Variants in CCNJ observed in about 807,000 individuals in gnomAD.
CCNJ encodes cyclin-J.
CCNJ carries 12 observed loss-of-function variants against 41.4 expected under a neutral mutation model. The ratio of observed to expected loss-of-function variants is 0.29; its 90% CI spans 0.19 to 0.47. The LOEUF (loss-of-function observed/expected upper bound fraction) is 0.47, where lower values mean the gene tolerates loss of function less well. Ranked by LOEUF, CCNJ falls within the 20% of genes least tolerant of loss-of-function variation. The pLI is 1.00. For synonymous variants in CCNJ, 161 were observed against 173.4 expected (o/e 0.93, Z 0.56); for missense variants, 340 against 464.6 (o/e 0.73, Z 2.47).
intron 2 of CCNJ, among the ~76,000 whole-genome samples, chr10:96,046,792 C>G (rs2080376550): frequency 6.6e-6 from 1 of 152,200 alleles, no homozygotes; most frequent in African/African-American, 2.4e-5. Flanking sequence ...TACAAAGCAG[C>G]TGTCACCTTA....
chr10:96,052,308 G>A (rs2080551276), intron 3 of CCNJ, among the ~76,000 whole-genome samples: 1 of 152,142 alleles, frequency 6.6e-6, no homozygotes, highest in African/African-American at 2.4e-5. Context: ...CAAATAAAAT[G>A]GATTTTTGTT....
chr10:96,053,926 T>C (rs1237090836), intron 3 of CCNJ, among the ~76,000 whole-genome samples: 2 of 152,186 alleles, frequency 1.3e-5, no homozygotes, highest in African/African-American at 4.8e-5. Flanking sequence ...TCTTAGTGTA[T>C]GTTAGGGATG....
chr10:96,053,664 C>G (rs1487960199), intron 3 of CCNJ, among the ~76,000 whole-genome samples: 1 of 152,168 alleles, frequency 6.6e-6, no homozygotes, highest in Non-Finnish European at 1.5e-5. Context: ...AAGAAATGAT[C>G]TTGGAGTCAA....
At chr10:96,043,789 G>C (rs971407005) in intron 1 of CCNJ, 70 bp downstream of exon 1, 78 of 386,172 alleles carry the variant, frequency 2.0e-4, no homozygotes, top group Non-Finnish European at 2.9e-4. Flanking sequence ...GGACCCTCCC[G>C]GGGTGAGGCG....
At chr10:96,057,344 T>C in intron 5 of CCNJ, 97 bp downstream of exon 5, 1 of 1,060,310 alleles carries the variant, frequency 9.4e-7, no homozygotes, top group African/African-American at 1.6e-5. Flanking sequence ...ACAGAGTTCC[T>C]AGGTTATTTG....
chr10:96,044,341 T>C lies in CCNJ; in HGVS notation c.-41-12T>C. 2 of 1,401,088 alleles carry C rather than the reference T, an allele frequency of 1.4e-6. No homozygotes were observed. The highest frequency in any genetic ancestry group is 1.9e-6 in the Non-Finnish European group (2 of 1,051,428). 86.8% of individuals were successfully genotyped at this position (1,401,088 alleles called of 1,614,324 possible). On this transcript the variant is annotated splice_polypyrimidine_tract_variant and intron_variant, in intron 1 of 5. Coordinates refer to ENST00000465148, the MANE Select transcript of CCNJ (RefSeq NM_001134375.2). ...GAGCCGGCAGTGACCGCGCCTGGGG[T>C]GTGTCTTACAGACTCGAGTTGCCGC... is the stretch of plus-strand genomic sequence containing the variant.
chr10:96,047,302 A>G (rs1187093397), intron 2 of CCNJ, among the ~76,000 whole-genome samples: 2 of 152,186 alleles, frequency 1.3e-5, no homozygotes, highest in African/African-American at 4.8e-5. Flanking sequence ...GAGAAAAGAA[A>G]AATCCTAGGA....
intron 5 of CCNJ, 40 bp downstream of exon 5, chr10:96,057,287 C>T: frequency 6.4e-7 from 1 of 1,565,004 alleles, no homozygotes; most frequent in Admixed American, 1.7e-5. Flanking sequence ...TTCTCATTAA[C>T]AGTTTTCTTC....
chr10:96,056,305 T>C (rs2080690862), intron 3 of CCNJ, among the ~76,000 whole-genome samples: 1 of 147,248 alleles, frequency 6.8e-6, no homozygotes, highest in Admixed American at 6.8e-5. Context: ...CAAGACTCCA[T>C]CTCAAAAAAA....
chr10:96,054,892 T>C (rs1038762032), intron 3 of CCNJ, among the ~76,000 whole-genome samples: 2 of 152,204 alleles, frequency 1.3e-5, no homozygotes, highest in Non-Finnish European at 2.9e-5. Context: ...CAGTATTCCT[T>C]TGAAGTATTC....
At chr10:96,043,436 G>A (rs1028278316), upstream of CCNJ, 3 of 377,128 alleles carry the variant, frequency 8.0e-6, no homozygotes, top group Admixed American at 4.6e-5. Flanking sequence ...CCGCCGCGCC[G>A]CCGCCTGGCG....
intron 2 of CCNJ, among the ~76,000 whole-genome samples, chr10:96,049,366 TATAA>T (rs1324348160): frequency 2.6e-5 from 4 of 152,146 alleles, no homozygotes; most frequent in South Asian, 2.1e-4. Context: ...CAGATATGAT[TATAA>T]ATACTTTCAT....
At chr10:96,044,223 G>C (rs1464019526) in intron 1 of CCNJ, 130 bp from the exon 2 acceptor site, 6 of 438,176 alleles carry the variant, frequency 1.4e-5, no homozygotes, top group Middle Eastern at 5.9e-4. Context: ...CTCGGGTCGG[G>C]CTGGGTTGAG....
intron 3 of CCNJ, among the ~76,000 whole-genome samples, chr10:96,056,257 C>T (rs1240704321): frequency 1.3e-5 from 2 of 150,978 alleles, no homozygotes. Context: ...TGCAGTGAGC[C>T]GAGATCACGC....
Position 96,043,701 on chromosome 10 carries a change from G to A in CCNJ, c.-60G>A, listed in dbSNP as rs1231598111. On this transcript the variant is annotated 5_prime_UTR_variant, in exon 1 of 6. In the 5' UTR this introduces an upstream ATG that the reference lacks. Transcript: ENST00000465148. Reference sequence around the variant, plus strand: ...GCCGCACGACGGCGGGGCTGGGGCTGTGAGGGCCGCGGTTCCGGGTAAGGG... The same window carrying A: ...GCCGCACGACGGCGGGGCTGGGGCTATGAGGGCCGCGGTTCCGGGTAAGGG... 5.1e-6 allele frequency: 2 copies of A among 393,258 alleles called. No individual in the cohort carries two copies. The highest frequency in any genetic ancestry group is 4.5e-6 in the Non-Finnish European group (1 of 222,720). 24.4% of individuals were successfully genotyped at this position (393,258 alleles called of 1,614,324 possible).
intron 2 of CCNJ, 76 bp downstream of exon 2, chr10:96,044,538 T>C (rs535709946): frequency 2.9e-5 from 34 of 1,190,022 alleles, no homozygotes; most frequent in Middle Eastern, 4.2e-4. Flanking sequence ...CTCTAGAAGG[T>C]CTAGTCAGGT....
At chr10:96,047,428 A>T (rs1450405209) in intron 2 of CCNJ, among the ~76,000 whole-genome samples, 1 of 152,190 alleles carries the variant, frequency 6.6e-6, no homozygotes, top group Non-Finnish European at 1.5e-5. Flanking sequence ...CAGGTGGATC[A>T]CTTGAGTCCA....
Position 96,057,158 on chromosome 10 carries a change from T to G in CCNJ, c.651T>G (p.Leu217=). ...AACVASSRII[L]RLSPTWPTRL... is the part of the protein sequence containing the mutation. ...GTGTGGCTTCTTCGAGGATTATACT[T>G]CGTCTTTCTCCAACGTGGCCTACAA... is the stretch of plus-strand genomic sequence containing the variant. Residue 217 remains leucine (L), a synonymous_variant, in exon 5 of 6, where the codon CTT becomes CTG. Coordinates refer to ENST00000465148, the MANE Select transcript of CCNJ (RefSeq NM_001134375.2). 2 of 1,614,082 alleles carry G rather than the reference T, an allele frequency of 1.2e-6. No homozygotes were observed. The highest frequency in any genetic ancestry group is 1.7e-6 in the Non-Finnish European group (2 of 1,179,892).
In CCNJ at chr10:96,060,395, A is replaced by G. The variant is rs1591028456; in HGVS notation, c.*2154A>G. The stretch of plus-strand genomic sequence containing the variant: ...TATTAATAACACTTTCCCAATTTAT[A>G]TTTTAAAAAGCTAAAGAACACTGGA... On this transcript the variant is annotated 3_prime_UTR_variant, in exon 6 of 6. Coordinates refer to ENST00000465148, the MANE Select transcript of CCNJ (RefSeq NM_001134375.2). The G allele has an allele frequency of 6.6e-6, 1 of 152,644 alleles. No homozygotes were observed. The highest frequency in any genetic ancestry group is 1.5e-5 in the Non-Finnish European group (1 of 68,038). 9.5% of individuals were successfully genotyped at this position (152,644 alleles called of 1,614,324 possible).
Sources: allele counts gnomAD v4.1 joint callset (sites outside exome capture counted in the v4.1 genomes callset), GRCh38; gene constraint gnomAD v4.1.1; transcripts MANE v1.5; gene names NCBI Gene and HGNC (gene_info 2026-07-23, HGNC 2026-07-21).